USP42: variants seen among roughly 807,000 people sequenced by gnomAD.
The protein encoded by USP42 is ubiquitin specific peptidase 42.
USP42 carries 23 observed loss-of-function variants against 113.0 expected under a neutral mutation model. The observed-to-expected ratio is 0.20, with a 90% CI of 0.15 to 0.29. The LOEUF is 0.29. Ranked by LOEUF, USP42 falls within the 10% of genes least tolerant of loss-of-function variation. The pLI, the probability that USP42 is intolerant of heterozygous loss-of-function variation, is 1.00. For synonymous variants in USP42, 933 were observed against 699.0 expected (o/e 1.33, Z -5.28); for missense variants, 2,174 against 1,779.8 (o/e 1.22, Z -3.99).
At chr7:6,117,143 C>A (rs1488107840) in intron 3 of USP42, among the ~76,000 whole-genome samples, 2 of 152,048 alleles carry the variant, frequency 1.3e-5, no homozygotes, top group Admixed American at 6.6e-5. Flanking sequence ...AGATAATGAA[C>A]ATGTTCATCA....
At chr7:6,089,681 C>T in the USP42 span, among the ~76,000 whole-genome samples, 1 of 150,142 alleles carries the variant, frequency 6.7e-6, no homozygotes, top group Admixed American at 6.6e-5. Flanking sequence ...TACAGGCATG[C>T]ACCACCACGC....
chr7:6,093,573 CTCTT>C, the USP42 span, among the ~76,000 whole-genome samples: 1 of 150,198 alleles, frequency 6.7e-6, no homozygotes, highest in Non-Finnish European at 1.5e-5. Context: ...ATGTGCCTCT[CTCTT>C]TCTTTTCTCT....
the USP42 span, among the ~76,000 whole-genome samples, chr7:6,094,709 T>C: frequency 6.6e-6 from 1 of 151,086 alleles, no homozygotes; most frequent in Non-Finnish European, 1.5e-5. Context: ...ATGGCACTAT[T>C]CTCTGCGATT....
At position 6,113,514 on chromosome 7, in the gene USP42, C is replaced by T. The variant is rs563738241; in HGVS notation, c.242-1809C>T. 5.3e-5 allele frequency among the ~76,000 whole-genome samples: 8 copies of T among 152,278 alleles called. No individual in the cohort carries two copies. In the South Asian group the frequency reaches 1.7e-3, roughly 32 times the overall value. The stretch of plus-strand genomic sequence containing the variant: ...TTTGTCCTAATTTTGCTCTCCTTTC[C>T]CCACCAAGCTGTAGCCTGCCTACGC... On this transcript the variant is annotated intron_variant, in intron 2 of 17. Transcript: ENST00000306177.
intron 3 of USP42, among the ~76,000 whole-genome samples, chr7:6,126,049 G>A (rs954950793): frequency 1.1e-4 from 17 of 152,084 alleles, no homozygotes. Context: ...AACCCAGCAT[G>A]TTTCCCTTTC....
At position 6,150,071 on chromosome 7, in the gene USP42, G is replaced by C. The variant is rs536060073; in HGVS notation, c.1875G>C (p.Glu625Asp). The part of the protein sequence containing the change: ...SDEESKGLGK[E>D]NGIGTIVSSH... Reference sequence around the variant, plus strand: ...AGGAGTCAAAGGGGCTGGGCAAGGAGAATGGGATTGGTACGATTGTGAGCT... The same window carrying C: ...AGGAGTCAAAGGGGCTGGGCAAGGACAATGGGATTGGTACGATTGTGAGCT... Residue 625 changes from glutamate to aspartate, a missense_variant, in exon 13 of 18, where the codon GAG becomes GAC. Transcript: ENST00000306177. 1.3e-5 allele frequency: 21 copies of C among 1,609,524 alleles called. No homozygotes were observed. The South Asian group carries it at 1.7e-4, about 13-fold the overall frequency.
the USP42 span, among the ~76,000 whole-genome samples, chr7:6,096,031 G>C: frequency 6.6e-6 from 1 of 151,110 alleles, no homozygotes; most frequent in East Asian, 1.9e-4. Flanking sequence ...CAAGCATTGG[G>C]ATTCCAGGTC....
chr7:6,158,605 G>T lies in USP42; in HGVS notation c.3944-845G>T, dbSNP rs1782597940. 6.6e-6 allele frequency among the ~76,000 whole-genome samples: 1 copy of T among 152,248 alleles called. No homozygotes were observed. Among genetic ancestry groups the T allele is most frequent in the African/African-American group, 2.4e-5 (1 of 41,474 alleles). On this transcript the variant is annotated intron_variant, in intron 16 of 17. Coordinates refer to ENST00000306177, the MANE Select transcript of USP42 (RefSeq NM_032172.3). This position sits in a 1 kb window ranked among gnomAD's most constrained non-coding sequence, Gnocchi z 4.2. The stretch of plus-strand genomic sequence containing the variant: ...CCCATGGGGGACATTTGCCCATGGA[G>T]TGCTGGGGAAACAGCCGGAGATGAG...
chr7:6,158,265 G>T lies in USP42; in HGVS notation c.3944-1185G>T, dbSNP rs1035029875. Among the ~76,000 whole-genome samples the T allele has an allele frequency of 6.6e-6, 1 of 152,228 alleles. No homozygotes were observed. The highest frequency in any genetic ancestry group is 1.9e-4 in the East Asian group (1 of 5,190). ...TGGCAGAGGTGAGTGGCTGCGGCAGGGCAGGGACCGTGTGGCTCGCAAAGC... is the reference window on the plus strand; with the variant it reads ...TGGCAGAGGTGAGTGGCTGCGGCAGTGCAGGGACCGTGTGGCTCGCAAAGC... On this transcript the variant is annotated intron_variant, in intron 16 of 17. Coordinates refer to ENST00000306177, the MANE Select transcript of USP42 (RefSeq NM_032172.3). This position sits in a 1 kb window ranked among gnomAD's most constrained non-coding sequence, Gnocchi z 4.2.
the USP42 span, among the ~76,000 whole-genome samples, chr7:6,095,034 C>T: frequency 1.8e-4 from 27 of 151,402 alleles, 2 homozygotes; most frequent in African/African-American, 6.4e-4. Flanking sequence ...GGGATCTGCC[C>T]GTCTGGGCCT....
chr7:6,118,210 G>A (rs28844441), intron 3 of USP42, among the ~76,000 whole-genome samples: 23,146 of 151,908 alleles, frequency 0.15, 3,101 homozygotes, highest in East Asian at 0.72. Flanking sequence ...CCTGGGCAAC[G>A]TAGGGAGAAC....
the USP42 span, among the ~76,000 whole-genome samples, chr7:6,092,057 C>CTTCTTCTTCTTCT: frequency 1.1e-4 from 6 of 56,636 alleles, no homozygotes; most frequent in African/African-American, 4.5e-4. Context: ...CTTCTTCTTT[C>CTTCTTCTTCTTCT]TTCTTCTTCT....
rs1355674376 is a variant in USP42 at position 6,158,617 on chromosome 7, C to T, written c.3944-833C>T. Among the ~76,000 whole-genome samples, 1 of 152,212 alleles carries T rather than the reference C, an allele frequency of 6.6e-6. No homozygotes were observed. The highest frequency in any genetic ancestry group is 2.4e-5 in the African/African-American group (1 of 41,460). The stretch of plus-strand genomic sequence containing the variant: ...ATTTGCCCATGGAGTGCTGGGGAAA[C>T]AGCCGGAGATGAGGACAGGCACCAG... On this transcript the variant is annotated intron_variant, in intron 16 of 17. Coordinates refer to ENST00000306177, the MANE Select transcript of USP42 (RefSeq NM_032172.3). This position sits in a 1 kb window ranked among gnomAD's most constrained non-coding sequence, Gnocchi z 4.2.
At chr7:6,140,460 C>G (rs1781373101) in intron 6 of USP42, among the ~76,000 whole-genome samples, 1 of 151,956 alleles carries the variant, frequency 6.6e-6, no homozygotes, top group Non-Finnish European at 1.5e-5. Context: ...CATTTCAGCA[C>G]ACAGGCCTAA....
the USP42 span, among the ~76,000 whole-genome samples, chr7:6,090,276 G>A: frequency 7.2e-6 from 1 of 138,374 alleles, no homozygotes; most frequent in African/African-American, 2.8e-5. Flanking sequence ...CACCAGCCTG[G>A]GCAACAATAT....
chr7:6,159,553 A>G lies in USP42; in HGVS notation c.*36+60A>G. On this transcript the variant is annotated intron_variant, in intron 17 of 17. Coordinates refer to ENST00000306177, the MANE Select transcript of USP42 (RefSeq NM_032172.3). This position sits in a 1 kb window ranked among gnomAD's most constrained non-coding sequence, Gnocchi z 4.1. ...GTGGTGGCGCTGAGGGGACGCAGGCAGAGGAGTTTTAATTCTGCGGCTCTG... is the reference window on the plus strand; with the variant it reads ...GTGGTGGCGCTGAGGGGACGCAGGCGGAGGAGTTTTAATTCTGCGGCTCTG... 6.5e-7 allele frequency: 1 copy of G among 1,539,582 alleles called. No homozygotes were observed. The highest frequency in any genetic ancestry group is 9.0e-7 in the Non-Finnish European group (1 of 1,115,988).
chr7:6,114,066 C>T (rs1031450686), intron 2 of USP42, among the ~76,000 whole-genome samples: 1 of 152,188 alleles, frequency 6.6e-6, no homozygotes, highest in Non-Finnish European at 1.5e-5. Context: ...TATTAGTAAT[C>T]TGTTGATAAT....
At chr7:6,099,427 G>T in the USP42 span, among the ~76,000 whole-genome samples, 2 of 149,260 alleles carry the variant, frequency 1.3e-5, 1 homozygote, top group Admixed American at 1.3e-4. Context: ...TGTTAGCCAG[G>T]ATTGTCTCAA....
chr7:6,101,644 G>A (rs1790129964), upstream of USP42, among the ~76,000 whole-genome samples: 1 of 151,064 alleles, frequency 6.6e-6, no homozygotes, highest in Non-Finnish European at 1.5e-5. Context: ...TAGAGTAAGT[G>A]GTGCTAGCTC....
Sources: allele counts gnomAD v4.1 joint callset (sites outside exome capture counted in the v4.1 genomes callset), GRCh38; gene constraint gnomAD v4.1.1; non-coding constraint Gnocchi (gnomAD v3.1); transcripts MANE v1.5; gene names NCBI Gene and HGNC (gene_info 2026-07-23, HGNC 2026-07-21).